Variants in GPR179 observed in about 807,000 individuals in gnomAD.
The protein encoded by GPR179 is probable G protein-coupled receptor 179.
Under a neutral mutation model 70.8 loss-of-function variants are expected in GPR179, and 52 were observed. That is an observed-to-expected ratio of 0.73 (90% CI 0.59 to 0.93). The LOEUF is 0.93. GPR179 is among the 40% of genes least tolerant of loss of function. The pLI, the probability that GPR179 is intolerant of heterozygous loss-of-function variation, is 0.00. For missense variants in GPR179, 2,734 were observed against 2,966.8 expected (o/e 0.92, Z 1.82); for synonymous variants, 1,123 against 1,169.0 (o/e 0.96, Z 0.80).
chr17:38,338,390 A>C (rs1329425594), intron 2 of GPR179, among the ~76,000 whole-genome samples: 1 of 152,216 alleles, frequency 6.6e-6, no homozygotes, highest in East Asian at 1.9e-4. Context: ...CTGGGAACAG[A>C]CATCAGTGAC....
rs376803348 is a variant in GPR179 at position 38,328,578 on chromosome 17, C to T, written c.4991G>A (p.Arg1664His). The T allele has an allele frequency of 8.4e-5, 135 of 1,614,094 alleles. No homozygotes were observed. In the African/African-American group the frequency reaches 1.1e-3, roughly 14 times the overall value. Residue 1664 changes from arginine to histidine, a missense_variant, in exon 11 of 11, where the codon CGT (arginine) becomes CAT (histidine). Physicochemically the swap from Arg to His is conservative, Grantham distance 29 (BLOSUM62 0). Transcript: ENST00000616987. ...TTGGGGTCTCTCTGTGTCTTGAGGA[C>T]GTGGTTGTGGGGAGAAGCTGCCAGG... ...VDPGSFSPQP[R>H]PQDTERPQTL...
In GPR179 at chr17:38,327,705, TGTA is replaced by T. The variant is rs1337423271; in HGVS notation, c.5861_5863del (p.Leu1954del). ...AGTGGTCTCCCATGGACAGACGGAT[TGTA>T]GCTCATGGCTTGTTTTTTCCCCATC... On this transcript the variant is annotated inframe_deletion, in exon 11 of 11. Transcript: ENST00000616987. 6.2e-7 allele frequency: 1 copy of T among 1,614,208 alleles called. No individual in the cohort carries two copies. The highest frequency in any genetic ancestry group is 8.5e-7 in the Non-Finnish European group (1 of 1,180,030).
rs2037320615 is a variant in GPR179 at position 38,328,921 on chromosome 17, G to C, written c.4648C>G (p.Leu1550Val). Residue 1550 changes from leucine to valine, a missense_variant, in exon 11 of 11, where the codon CTA becomes GTA. Transcript: ENST00000616987. ...CCAGCTTTGGATGAGGAATTGTCTAGACATGGGCTGGAGTGCCCAGGGACC... is the reference window on the plus strand; with the variant it reads ...CCAGCTTTGGATGAGGAATTGTCTACACATGGGCTGGAGTGCCCAGGGACC... Reference protein sequence around the residue: ...STVPGHSSPCLDNSSSKAGSQ... With the variant: ...STVPGHSSPCVDNSSSKAGSQ... 3.1e-6 allele frequency: 5 copies of C among 1,614,010 alleles called. No individual in the cohort carries two copies. The South Asian group carries it at 5.5e-5, about 18-fold the overall frequency.
rs2037280027 is a variant in GPR179, at chr17:38,325,779, G to A, written c.*686C>T. On this transcript the variant is annotated 3_prime_UTR_variant, in exon 11 of 11. Transcript: ENST00000616987. ...TGCTTTGGATGCCAGATGCTGATAAGGGTGTCAGCGTGCCTGATTGTTTCT... is the reference window on the plus strand; with the variant it reads ...TGCTTTGGATGCCAGATGCTGATAAAGGTGTCAGCGTGCCTGATTGTTTCT... 1 of 152,462 alleles carries A rather than the reference G, an allele frequency of 6.6e-6. No individual in the cohort carries two copies. The highest frequency in any genetic ancestry group is 6.5e-5 in the Admixed American group (1 of 15,284). The allele number at this position is 152,462 out of a possible 1,614,324, so 9.4% of individuals were successfully genotyped here.
chr17:38,331,698 G>A (rs1170294404), intron 10 of GPR179, among the ~76,000 whole-genome samples, 167 bp from the exon 11 acceptor site: 1 of 152,172 alleles, frequency 6.6e-6, no homozygotes, highest in Admixed American at 6.5e-5. Flanking sequence ...CTTTGTTCCT[G>A]TGAGACCAGT....
chr17:38,331,219 G>T lies in GPR179; in HGVS notation c.2350C>A (p.Pro784Thr). The change falls in exon 11 of 11, where the codon CCT becomes ACT. Residue 784 changes from proline to threonine, a missense_variant. Pro to Thr is a conservative substitution (Grantham distance 38). Transcript: ENST00000616987. Reference sequence around the variant, plus strand: ...CTCCTCAGCAGTGAGTCAAGAAGAGGCGGGTCCTGCTCCCTGCGCTGGTCA... The same window carrying T: ...CTCCTCAGCAGTGAGTCAAGAAGAGTCGGGTCCTGCTCCCTGCGCTGGTCA... ...TYDQRREQDP[P>T]LLDSLLRRKL... is the part of the protein sequence containing the mutation. The T allele has an allele frequency of 1.9e-6, 3 of 1,597,620 alleles. No individual in the cohort carries two copies. Among genetic ancestry groups the T allele is most frequent in the Non-Finnish European group, 2.6e-6 (3 of 1,173,216 alleles).
At position 38,329,615 on chromosome 17, in the gene GPR179, T is replaced by C. The variant is rs1222161821; in HGVS notation, c.3954A>G (p.Glu1318=). 6.2e-7 allele frequency: 1 copy of C among 1,614,140 alleles called. No homozygotes were observed. The highest frequency in any genetic ancestry group is 1.7e-5 in the Admixed American group (1 of 60,036). ...KKPERLVREQ[E]AVCPWESADR... ...CGGCACTCTCCCAGGGACACACTGCTTCCTGCTCCCTCACCAGCCTCTCTG... is the reference window on the plus strand; with the variant it reads ...CGGCACTCTCCCAGGGACACACTGCCTCCTGCTCCCTCACCAGCCTCTCTG... The change falls in exon 11 of 11, where the codon GAA becomes GAG. Residue 1318 remains glutamate (E), a synonymous_variant. Coordinates refer to ENST00000616987, the MANE Select transcript of GPR179 (RefSeq NM_001004334.4).
Position 38,327,229 on chromosome 17 carries a change from C to G in GPR179, c.6340G>C (p.Val2114Leu). 6.2e-7 allele frequency: 1 copy of G among 1,614,264 alleles called. No individual in the cohort carries two copies. The highest frequency in any genetic ancestry group is 1.7e-5 in the Admixed American group (1 of 60,030). ...GCCTCTACCACTTCCCACAGACACA[C>G]TTCCGCTACCCTGGTCTCCACACTG... The part of the protein sequence containing the change: ...AGSVETRVAE[V>L]CLWEVVEAPS... Residue 2114 changes from valine to leucine, a missense_variant, in exon 11 of 11, where the codon GTG (valine) becomes CTG (leucine). By Grantham distance (32) the Val-to-Leu change is conservative. Transcript: ENST00000616987.
intron 1 of GPR179, among the ~76,000 whole-genome samples, chr17:38,342,180 C>T (rs1428999326): frequency 2.0e-5 from 3 of 152,062 alleles, no homozygotes; most frequent in African/African-American, 7.2e-5. Flanking sequence ...TGCTAGAGAG[C>T]AGTAGGTTGA....
Position 38,324,928 on chromosome 17 carries a change from A to T in GPR179, c.*1537T>A, listed in dbSNP as rs1273954295. Among the ~76,000 whole-genome samples, 1 of 152,136 alleles carries T rather than the reference A, an allele frequency of 6.6e-6. No individual in the cohort carries two copies. The highest frequency in any genetic ancestry group is 1.5e-5 in the Non-Finnish European group (1 of 68,032). On this transcript the variant is annotated 3_prime_UTR_variant, in exon 11 of 11. Transcript: ENST00000616987. Reference sequence around the variant, plus strand: ...TCCCATAACCGCCCAGCATATTTACATGCAGACTAGATGTTAATGGCTCTT... The same window carrying T: ...TCCCATAACCGCCCAGCATATTTACTTGCAGACTAGATGTTAATGGCTCTT...
At chr17:38,337,294 A>G (rs2037414154) in intron 3 of GPR179, 81 bp from the exon 4 acceptor site, 3 of 1,484,628 alleles carry the variant, frequency 2.0e-6, no homozygotes, top group Non-Finnish European at 9.0e-7. Flanking sequence ...GATAGTCACC[A>G]CAGCCCTCTC....
At position 38,326,834 on chromosome 17, in the gene GPR179, C is replaced by T; in HGVS notation, c.6735G>A (p.Glu2245=). ...ATTCCTCAGATGGGACTCCAGTTTC[C>T]TCCCCAGGACAGATGTCTGCCATGG... ...KGTMADICPG[E]ETGVPSEESG... is the part of the protein sequence containing the mutation. Residue 2245 remains glutamate, a synonymous_variant, in exon 11 of 11, where the codon GAG becomes GAA. Transcript: ENST00000616987. The T allele has an allele frequency of 6.2e-7, 1 of 1,614,222 alleles. No individual in the cohort carries two copies. Among genetic ancestry groups the T allele is most frequent in the Admixed American group, 1.7e-5 (1 of 60,030 alleles).
At position 38,331,407 on chromosome 17, in the gene GPR179, C is replaced by G. The variant is rs201291233; in HGVS notation, c.2162G>C (p.Arg721Thr). The G allele has an allele frequency of 6.2e-7, 1 of 1,614,168 alleles. No individual in the cohort carries two copies. The highest frequency in any genetic ancestry group is 2.2e-5 in the East Asian group (1 of 44,878). Residue 721 changes from arginine to threonine, a missense_variant, in exon 11 of 11, where the codon AGG becomes ACG. Transcript: ENST00000616987. ...GGCCTCGGGGAATTCCGCCAGGTACCTCATGAAGGAGCGGCCCAGTCCCTG... is the reference window on the plus strand; with the variant it reads ...GGCCTCGGGGAATTCCGCCAGGTACGTCATGAAGGAGCGGCCCAGTCCCTG... The part of the protein sequence containing the change: ...SCQGLGRSFM[R>T]YLAEFPEALA...
chr17:38,331,093 C>A lies in GPR179; in HGVS notation c.2476G>T (p.Gly826Ter). ...RSASAHNLTVGERLPRARPAS... is the reference protein window; with the variant it reads ...RSASAHNLTV ...GGCCGGGCTCTGGGTAGCCTCTCTC[C>A]CACCGTCAGGTTGTGGGCGCTGGCT... Residue 826 changes from glycine (G) to a stop codon, truncating the protein, a stop_gained, in exon 11 of 11, where the codon GGA (glycine) becomes TGA (stop). Coordinates refer to ENST00000616987, the MANE Select transcript of GPR179 (RefSeq NM_001004334.4). LOFTEE classifies it low-confidence loss of function (END_TRUNC). 8.7e-6 allele frequency: 14 copies of A among 1,601,440 alleles called. No homozygotes were observed. Among genetic ancestry groups the A allele is most frequent in the Non-Finnish European group, 1.2e-5 (14 of 1,179,376 alleles).
At chr17:38,340,461 T>C (rs924068350) in intron 1 of GPR179, among the ~76,000 whole-genome samples, 1 of 152,206 alleles carries the variant, frequency 6.6e-6, no homozygotes, top group Non-Finnish European at 1.5e-5. Flanking sequence ...AAATTATTTT[T>C]AGTGGAGACG....
chr17:38,342,647 A>G (rs1270335963), intron 1 of GPR179, among the ~76,000 whole-genome samples: 3 of 152,216 alleles, frequency 2.0e-5, no homozygotes, highest in Non-Finnish European at 4.4e-5. Context: ...CTATACTGAC[A>G]TATCTCTACA....
chr17:38,330,183 G>A lies in GPR179; in HGVS notation c.3386C>T (p.Ser1129Leu), dbSNP rs750172664. Residue 1129 changes from serine to leucine, a missense_variant, in exon 11 of 11, where the codon TCG becomes TTG. Ser to Leu is a moderately radical substitution (Grantham distance 145). Coordinates refer to ENST00000616987, the MANE Select transcript of GPR179 (RefSeq NM_001004334.4). The stretch of plus-strand genomic sequence containing the variant: ...CGCCTTGGGCCGGCCTAGCCTGGGC[G>A]ATCGGGAGGGTGCCCCCATACTCTC... Reference protein sequence around the residue: ...AGESMGAPSRSPRLGRPKAVS... With the variant: ...AGESMGAPSRLPRLGRPKAVS... The A allele has an allele frequency of 2.3e-5, 36 of 1,569,132 alleles. No homozygotes were observed. Among genetic ancestry groups the A allele is most frequent in the Non-Finnish European group, 2.9e-5 (34 of 1,157,374 alleles).
intron 4 of GPR179, among the ~76,000 whole-genome samples, chr17:38,336,565 A>T (rs4794779): frequency 3.9e-5 from 6 of 152,064 alleles, no homozygotes; most frequent in Non-Finnish European, 7.3e-5. Flanking sequence ...ACATCCAGAA[A>T]GTCTTTCCCA....
chr17:38,336,522 G>GTATCCAGTT (rs1368001300), intron 4 of GPR179, among the ~76,000 whole-genome samples: 1 of 152,174 alleles, frequency 6.6e-6, no homozygotes, highest in African/African-American at 2.4e-5. Context: ...GGCCCAGTAA[G>GTATCCAGTT]TATCCAGTTA....
Sources: gnomAD v4.1 joint callset for allele counts (sites outside exome capture counted in the v4.1 genomes callset) on GRCh38, gnomAD v4.1.1 for gene constraint, MANE v1.5 for transcripts, NCBI Gene and HGNC (gene_info 2026-07-23, HGNC 2026-07-21) for gene names.